The following PLCXD2 variants were observed in gnomAD, a reference collection of about 807,000 sequenced individuals.
The protein encoded by PLCXD2 is phosphatidylinositol specific phospholipase C X domain containing 2.
PLCXD2 carries 21 observed loss-of-function variants against 28.6 expected under a neutral mutation model. That is an observed-to-expected ratio of 0.73 (90% CI 0.52 to 1.06). PLCXD2 has a LOEUF of 1.06. PLCXD2 is among the 50% of genes least tolerant of loss of function. PLCXD2 has a pLI of 0.00. For synonymous variants in PLCXD2, 140 were observed against 150.1 expected (o/e 0.93, Z 0.49); for missense variants, 369 against 376.7 (o/e 0.98, Z 0.17).
At chr3:111,679,742 C>T (rs539546022) in intron 1 of PLCXD2, among the ~76,000 whole-genome samples, 15 of 152,278 alleles carry the variant, frequency 9.9e-5, no homozygotes, top group African/African-American at 3.6e-4. Context: ...CACTAAGCCC[C>T]ATTAGAAATG....
At chr3:111,691,597 T>G (rs560414773) in intron 1 of PLCXD2, 2 of 152,382 alleles carry the variant, frequency 1.3e-5, no homozygotes, top group South Asian at 4.1e-4. Context: ...ACCAGGCATT[T>G]AGGTCCAAAG....
At chr3:111,709,019 T>C (rs1437008095) in intron 2 of PLCXD2, among the ~76,000 whole-genome samples, 1 of 147,960 alleles carries the variant, frequency 6.8e-6, no homozygotes, top group East Asian at 2.0e-4. Flanking sequence ...GCCTCAGATA[T>C]ATTCCACTCT....
chr3:111,708,781 C>T (rs1941158450), intron 2 of PLCXD2, among the ~76,000 whole-genome samples: 1 of 152,126 alleles, frequency 6.6e-6, no homozygotes, highest in Non-Finnish European at 1.5e-5. Flanking sequence ...ATAATCCTGG[C>T]CAAGGTATCG....
chr3:111,692,869 C>T (rs917749323), intron 1 of PLCXD2, among the ~76,000 whole-genome samples: 1 of 152,136 alleles, frequency 6.6e-6, no homozygotes, highest in Non-Finnish European at 1.5e-5. Context: ...CCTTTCCCTA[C>T]GTGTGGAAGG....
chr3:111,684,585 C>A (rs1035719927), intron 1 of PLCXD2, among the ~76,000 whole-genome samples: 1 of 151,144 alleles, frequency 6.6e-6, no homozygotes, highest in Non-Finnish European at 1.5e-5. Flanking sequence ...ACCCAGGAGG[C>A]GGAGGTTGCA....
intron 1 of PLCXD2, among the ~76,000 whole-genome samples, chr3:111,706,368 G>A (rs1444678567): frequency 2.6e-5 from 4 of 152,076 alleles, no homozygotes; most frequent in Admixed American, 6.6e-5. Context: ...GGAGACGTCA[G>A]TTTAATATAG....
chr3:111,683,510 T>A (rs1361561932), intron 1 of PLCXD2, among the ~76,000 whole-genome samples: 3 of 152,132 alleles, frequency 2.0e-5, no homozygotes, highest in Admixed American at 2.0e-4. Flanking sequence ...TGAAACAAAA[T>A]GACCCAGCAG....
At chr3:111,700,461 A>G (rs936351508) in intron 1 of PLCXD2, among the ~76,000 whole-genome samples, 1 of 152,226 alleles carries the variant, frequency 6.6e-6, no homozygotes, top group African/African-American at 2.4e-5. Flanking sequence ...TTGTATGTCC[A>G]TATTTACTGC....
At chr3:111,681,381 TC>T (rs1259216659) in intron 1 of PLCXD2, among the ~76,000 whole-genome samples, 5 of 152,250 alleles carry the variant, frequency 3.3e-5, no homozygotes, top group Admixed American at 6.5e-5. Context: ...TTAACTTTTT[TC>T]TGCTCTCCTC....
At chr3:111,717,816 G>C (rs1941288997) in intron 3 of PLCXD2, among the ~76,000 whole-genome samples, 1 of 152,180 alleles carries the variant, frequency 6.6e-6, no homozygotes. Context: ...CCTTGGTGTG[G>C]TTCCTTGTGT....
chr3:111,690,208 G>GTGTTGGGTTGTAACT (rs942338315), intron 1 of PLCXD2, among the ~76,000 whole-genome samples: 1 of 152,176 alleles, frequency 6.6e-6, no homozygotes, highest in African/African-American at 2.4e-5. Flanking sequence ...GATTGACCCA[G>GTGTTGGGTTGTAACT]TGTTGGGTTG....
At chr3:111,707,585 T>C (rs1468519825) in intron 1 of PLCXD2, among the ~76,000 whole-genome samples, 1 of 152,226 alleles carries the variant, frequency 6.6e-6, no homozygotes, top group Non-Finnish European at 1.5e-5. Flanking sequence ...AGAATAGCTT[T>C]CCTGAAATGA....
intron 1 of PLCXD2, among the ~76,000 whole-genome samples, chr3:111,689,521 C>T (rs963574095): frequency 6.6e-6 from 1 of 152,198 alleles, no homozygotes; most frequent in South Asian, 2.1e-4. Flanking sequence ...AATAACCCAC[C>T]TTCGCTTTGC....
At chr3:111,714,968 C>T (rs951338) in intron 3 of PLCXD2, among the ~76,000 whole-genome samples, 145,337 of 152,320 alleles carry the variant, frequency 0.95, 69,382 homozygotes, top group Middle Eastern at 0.98. Context: ...CCCTGAGTTT[C>T]AGGTTGACGA....
At chr3:111,683,084 A>C (rs866923173) in intron 1 of PLCXD2, among the ~76,000 whole-genome samples, 11 of 152,220 alleles carry the variant, frequency 7.2e-5, no homozygotes, top group African/African-American at 2.7e-4. Context: ...GAAAGCCAAA[A>C]TTCAAACATG....
At chr3:111,684,363 C>G (rs1344099263) in intron 1 of PLCXD2, among the ~76,000 whole-genome samples, 1 of 147,834 alleles carries the variant, frequency 6.8e-6, no homozygotes, top group Non-Finnish European at 1.5e-5. Context: ...TTAAAGTTAT[C>G]TTACTTCAGG....
intron 2 of PLCXD2, 103 bp from the exon 3 acceptor site, chr3:111,713,784 A>G: frequency 3.1e-6 from 4 of 1,281,160 alleles, no homozygotes; most frequent in Non-Finnish European, 4.3e-6. Flanking sequence ...TCCACATATG[A>G]TTATATTTTC....
At chr3:111,698,844 C>T (rs754808596) in intron 1 of PLCXD2, among the ~76,000 whole-genome samples, 79 of 152,180 alleles carry the variant, frequency 5.2e-4, no homozygotes, top group Non-Finnish European at 1.0e-3. Flanking sequence ...TCTTATTAGG[C>T]ATTTCTATTC....
intron 1 of PLCXD2, among the ~76,000 whole-genome samples, chr3:111,682,421 A>G (rs1464274813): frequency 6.6e-6 from 1 of 152,186 alleles, no homozygotes; most frequent in Non-Finnish European, 1.5e-5. Context: ...TTTTTTTGTT[A>G]ATGTCCAATT....
Sources: gnomAD v4.1 joint callset for allele counts (sites outside exome capture counted in the v4.1 genomes callset) on GRCh38, gnomAD v4.1.1 for gene constraint, MANE v1.5 for transcripts, NCBI Gene and HGNC (gene_info 2026-07-23, HGNC 2026-07-21) for gene names.